The following MYO1B variants were observed in gnomAD, a reference collection of about 807,000 sequenced individuals.
MYO1B encodes myosin IB.
In MYO1B, 72 loss-of-function variants were observed where a neutral mutation model predicts 159.7. The ratio of observed to expected loss-of-function variants is 0.45; its 90% CI spans 0.37 to 0.55. The LOEUF is 0.55. Among genes scored for constraint, MYO1B ranks in the 20% least tolerant of loss-of-function variants. The pLI is 0.00. For missense variants in MYO1B, 1,062 were observed against 1,364.8 expected, an observed-to-expected ratio of 0.78 and a Z score of 3.50; for synonymous variants, 468 against 473.8, an observed-to-expected ratio of 0.99 and a Z score of 0.16.
intron 1 of MYO1B, among the ~76,000 whole-genome samples, chr2:191,259,432 T>C (rs1454146487): frequency 6.6e-6 from 1 of 152,218 alleles, no homozygotes; most frequent in African/African-American, 2.4e-5. Context: ...GCTTTTTATG[T>C]GAATGTTTTA....
rs1333401613 is a variant in MYO1B at position 191,416,152 on chromosome 2, G to C, written c.3197G>C (p.Ser1066Thr). Residue 1066 changes from serine to threonine, a missense_variant, in exon 30 of 31, where the codon AGC becomes ACC. Transcript: ENST00000392318. Reference sequence around the variant, plus strand: ...GCTAGTAAAGGAGACTTTCTCTTCAGCAGTGATCACCTGATTGAAATGGCC... The same window carrying C: ...GCTAGTAAAGGAGACTTTCTCTTCACCAGTGATCACCTGATTGAAATGGCC... ...EAASKGDFLF[S>T]SDHLIEMATK... 1 of 1,614,158 alleles carries C rather than the reference G, an allele frequency of 6.2e-7. No homozygotes were observed. The highest frequency in any genetic ancestry group is 1.7e-5 in the Admixed American group (1 of 60,022).
intron 24 of MYO1B, among the ~76,000 whole-genome samples, chr2:191,405,691 A>G (rs1696874554): frequency 6.6e-6 from 1 of 152,174 alleles, no homozygotes; most frequent in African/African-American, 2.4e-5. Flanking sequence ...GAATATTTTG[A>G]AAGTTCTCTC....
chr2:191,408,945 A>G (rs749617599), intron 25 of MYO1B, 99 bp from the exon 26 acceptor site: 30 of 1,291,658 alleles, frequency 2.3e-5, no homozygotes, highest in Non-Finnish European at 2.9e-5. Context: ...AGTTAAATAA[A>G]TTCTACTATT....
intron 19 of MYO1B, 118 bp downstream of exon 19, chr2:191,392,319 T>C: frequency 1.6e-6 from 1 of 634,774 alleles, no homozygotes; most frequent in Non-Finnish European, 2.7e-6. Flanking sequence ...CACAAAACAC[T>C]TGTGTGTTTA....
intron 13 of MYO1B, chr2:191,381,219 T>C: frequency 1.9e-6 from 1 of 524,428 alleles, no homozygotes; most frequent in Non-Finnish European, 3.5e-6. Context: ...CTCTGTCAAC[T>C]AAAAGTCTTC....
intron 13 of MYO1B, among the ~76,000 whole-genome samples, chr2:191,380,182 A>G (rs1316755246): frequency 6.6e-6 from 1 of 152,252 alleles, no homozygotes; most frequent in African/African-American, 2.4e-5. Context: ...CTTCCAGGAA[A>G]GAATGTAGTT....
At position 191,394,531 on chromosome 2, in the gene MYO1B, A is replaced by G. The variant is rs151296211; in HGVS notation, c.2226+1309A>G. On this transcript the variant is annotated intron_variant, in intron 20 of 30. Transcript: ENST00000392318. The stretch of plus-strand genomic sequence containing the variant: ...AAAACAACCTAATTCCTGACTTCCT[A>G]AAGTTTATATCTAGTGAAAGACAAT... Among the ~76,000 whole-genome samples, 5 of 152,350 alleles carry G rather than the reference A, an allele frequency of 3.3e-5. No individual in the cohort carries two copies. The East Asian group carries it at 9.6e-4, about 29-fold the overall frequency.
intron 1 of MYO1B, among the ~76,000 whole-genome samples, chr2:191,246,643 CTAGTGGA>C (rs889728710): frequency 6.6e-6 from 1 of 150,438 alleles, no homozygotes; most frequent in African/African-American, 2.5e-5. Flanking sequence ...GTGTGTGTAG[CTAGTGGA>C]TATTGGCTGG....
At chr2:191,282,594 C>T (rs1179664347) in intron 2 of MYO1B, among the ~76,000 whole-genome samples, 1 of 152,214 alleles carries the variant, frequency 6.6e-6, no homozygotes, top group African/African-American at 2.4e-5. Context: ...GTACCACAGG[C>T]CCATTCCCAG....
intron 14 of MYO1B, 87 bp from the exon 15 acceptor site, chr2:191,383,193 T>C (rs1030647057): frequency 1.6e-5 from 12 of 753,682 alleles, no homozygotes; most frequent in African/African-American, 5.5e-5. Context: ...AAGGGAAATA[T>C]GATAAGATGG....
chr2:191,420,648 C>T (rs1212521284), intron 30 of MYO1B, among the ~76,000 whole-genome samples: 1 of 152,146 alleles, frequency 6.6e-6, no homozygotes, highest in Non-Finnish European at 1.5e-5. Context: ...TTAGATGATG[C>T]ATGACTATAT....
chr2:191,336,968 G>A (rs1204374615), intron 4 of MYO1B, among the ~76,000 whole-genome samples: 3 of 152,074 alleles, frequency 2.0e-5, no homozygotes, highest in Admixed American at 6.6e-5. Flanking sequence ...ATCAATATGC[G>A]ACATACATGA....
At chr2:191,262,339 C>T (rs996040606) in intron 1 of MYO1B, among the ~76,000 whole-genome samples, 3 of 152,152 alleles carry the variant, frequency 2.0e-5, no homozygotes, top group African/African-American at 7.2e-5. Context: ...ACAAACTGAA[C>T]AACTGCACAG....
Position 191,411,067 on chromosome 2 carries a change from G to A in MYO1B, c.2768G>A (p.Cys923Tyr). ...ELKRIFHLWR[C>Y]KKYRDQFTDQ... ...TTTCTTTCTTCTCATATCTCACAGT[G>A]TAAAAAATACAGGGACCAATTCACA... Residue 923 changes from cysteine (C) to tyrosine (Y), a missense_variant and splice_region_variant, in exon 27 of 31, where the codon TGT (cysteine) becomes TAT (tyrosine). Cys to Tyr is a radical substitution (Grantham distance 194). This residue lies in a region of MYO1B where 609 missense variants were observed against 744.4 expected (regional missense o/e 0.82). Transcript: ENST00000392318. The A allele has an allele frequency of 6.3e-7, 1 of 1,576,974 alleles. No individual in the cohort carries two copies. The highest frequency in any genetic ancestry group is 8.6e-7 in the Non-Finnish European group (1 of 1,157,374).
chr2:191,380,425 T>G (rs1355853029), intron 13 of MYO1B, among the ~76,000 whole-genome samples: 1 of 152,024 alleles, frequency 6.6e-6, no homozygotes, highest in African/African-American at 2.4e-5. Context: ...GGGAGAAGAG[T>G]CCAGTTTACC....
chr2:191,422,389 A>G (rs915087411), intron 30 of MYO1B, among the ~76,000 whole-genome samples: 1 of 152,172 alleles, frequency 6.6e-6, no homozygotes, highest in Non-Finnish European at 1.5e-5. Flanking sequence ...CAGCACCAGC[A>G]CAGGGATGGT....
In MYO1B at chr2:191,307,936, A is replaced by G. The variant is rs116183699; in HGVS notation, c.251+11710A>G. ...ACTCTGGGAATACCACCTTCCCAGC[A>G]TGTCAGTCTGTTCACCAACCTAGAT... is the stretch of plus-strand genomic sequence containing the variant. On this transcript the variant is annotated intron_variant, in intron 3 of 30. Coordinates refer to ENST00000392318, the MANE Select transcript of MYO1B (RefSeq NM_001130158.3). Among the ~76,000 whole-genome samples, 759 of 152,270 alleles carry G rather than the reference A, an allele frequency of 5.0e-3. 9 individuals are homozygous for G. The highest frequency in any genetic ancestry group is 0.017 in the African/African-American group (716 of 41,546).
At chr2:191,387,505 A>G (rs1695466952) in intron 17 of MYO1B, 55 bp downstream of exon 17, 1 of 1,487,362 alleles carries the variant, frequency 6.7e-7, no homozygotes, top group Non-Finnish European at 9.4e-7. Flanking sequence ...CCCCGAAGGA[A>G]TATCATTTTT....
intron 21 of MYO1B, among the ~76,000 whole-genome samples, chr2:191,399,280 A>ACCGTG (rs1287899358): frequency 2.1e-3 from 2 of 966 alleles, no homozygotes; most frequent in African/African-American, 2.8e-3. Flanking sequence ...GGAGAGGGAG[A>ACCGTG]GGGAGAGGGA....
Sources: allele counts gnomAD v4.1 joint callset (sites outside exome capture counted in the v4.1 genomes callset), GRCh38; gene constraint gnomAD v4.1.1; regional missense constraint gnomAD v4.1.1; transcripts MANE v1.5; gene names NCBI Gene and HGNC (gene_info 2026-07-23, HGNC 2026-07-21).